CTNND2: variants seen among roughly 807,000 people sequenced by gnomAD.
The protein encoded by CTNND2 is catenin delta 2.
Under a neutral mutation model 144.4 loss-of-function variants are expected in CTNND2, and 22 were observed. That is an observed-to-expected ratio of 0.15 (90% CI 0.11 to 0.22). The LOEUF (loss-of-function observed/expected upper bound fraction) is 0.22, where lower values mean the gene tolerates loss of function less well. Ranked by LOEUF, CTNND2 falls within the 10% of genes least tolerant of loss-of-function variation. The probability of loss-of-function intolerance (pLI) is 1.00; values close to 1 mark genes in which losing one functional copy is unlikely to be tolerated. For synonymous variants in CTNND2, 751 were observed against 695.6 expected (o/e 1.08, Z -1.25); for missense variants, 1,353 against 1,618.8 (o/e 0.84, Z 2.82).
intron 16 of CTNND2, among the ~76,000 whole-genome samples, chr5:11,063,800 A>AG (rs1022527303): frequency 8.5e-6 from 1 of 117,838 alleles, no homozygotes; most frequent in African/African-American, 3.2e-5. Context: ...TAAAAATGTG[A>AG]GGGGGGTGGG....
At chr5:11,172,726 C>T (rs1338751752) in intron 11 of CTNND2, among the ~76,000 whole-genome samples, 2 of 152,130 alleles carry the variant, frequency 1.3e-5, no homozygotes, top group Admixed American at 1.3e-4. Flanking sequence ...GAAGATGCAG[C>T]GTGGAGCTTC....
intron 2 of CTNND2, among the ~76,000 whole-genome samples, chr5:11,662,736 A>G (rs1783342060): frequency 1.3e-5 from 2 of 152,294 alleles, no homozygotes; most frequent in South Asian, 4.1e-4. Flanking sequence ...CTGCGCATGC[A>G]AGAGATCTAG....
chr5:11,482,706 G>C (rs1326099360), intron 3 of CTNND2, among the ~76,000 whole-genome samples: 3 of 152,098 alleles, frequency 2.0e-5, no homozygotes, highest in African/African-American at 7.2e-5. Flanking sequence ...CTGAGAAGCA[G>C]ACATTTGAAC....
intron 18 of CTNND2, among the ~76,000 whole-genome samples, chr5:11,002,794 T>G (rs1200769952): frequency 6.6e-6 from 1 of 152,212 alleles, no homozygotes; most frequent in Non-Finnish European, 1.5e-5. Context: ...ATGTTTCTAT[T>G]GATAATTTTG....
intron 7 of CTNND2, among the ~76,000 whole-genome samples, chr5:11,378,196 C>A (rs1231659862): frequency 6.6e-6 from 1 of 152,144 alleles, no homozygotes; most frequent in Non-Finnish European, 1.5e-5. Flanking sequence ...AGCCTGTACT[C>A]CCCAAGTGTG....
At chr5:11,374,877 A>T (rs1361406417) in intron 7 of CTNND2, among the ~76,000 whole-genome samples, 1 of 143,808 alleles carries the variant, frequency 7.0e-6, no homozygotes, top group Non-Finnish European at 1.5e-5. Flanking sequence ...TCTGCTTTCC[A>T]GAGTGCTGAC....
intron 12 of CTNND2, among the ~76,000 whole-genome samples, chr5:11,123,922 C>T (rs1038429329): frequency 6.6e-6 from 1 of 152,184 alleles, no homozygotes; most frequent in Non-Finnish European, 1.5e-5. Context: ...GGACCATGGC[C>T]CCCACACACA....
At chr5:11,443,307 T>A in intron 3 of CTNND2, among the ~76,000 whole-genome samples, 1 of 87,582 alleles carries the variant, frequency 1.1e-5, no homozygotes, top group African/African-American at 4.6e-5. Flanking sequence ...TGTGCATGTG[T>A]GTGGTGTGTG....
At chr5:11,227,744 T>C (rs1213360051) in intron 10 of CTNND2, among the ~76,000 whole-genome samples, 3 of 152,186 alleles carry the variant, frequency 2.0e-5, no homozygotes, top group African/African-American at 7.2e-5. Flanking sequence ...AATTTCTATG[T>C]TCCATACTTA....
chr5:11,834,975 CA>C (rs1163600721), intron 1 of CTNND2, among the ~76,000 whole-genome samples: 2 of 151,192 alleles, frequency 1.3e-5, no homozygotes, highest in Non-Finnish European at 2.9e-5. Context: ...CCCATCTCTA[CA>C]AAAAATACAA....
intron 1 of CTNND2, among the ~76,000 whole-genome samples, chr5:11,751,778 G>A (rs1001113194): frequency 6.6e-6 from 1 of 151,706 alleles, no homozygotes; most frequent in Non-Finnish European, 1.5e-5. Flanking sequence ...AACTTCTTTG[G>A]GAAATCGCCA....
At chr5:11,312,515 C>A (rs1037683136) in intron 9 of CTNND2, among the ~76,000 whole-genome samples, 2 of 152,046 alleles carry the variant, frequency 1.3e-5, no homozygotes, top group South Asian at 4.1e-4. Flanking sequence ...TTCACTATCA[C>A]GAGAATAGGA....
chr5:11,214,229 T>C (rs896983316), intron 10 of CTNND2, among the ~76,000 whole-genome samples: 1 of 152,244 alleles, frequency 6.6e-6, no homozygotes, highest in African/African-American at 2.4e-5. Flanking sequence ...GGTTAGTTCT[T>C]ATCAGTGAAC....
chr5:11,244,355 G>T (rs1258295555), intron 9 of CTNND2, among the ~76,000 whole-genome samples: 1 of 146,226 alleles, frequency 6.8e-6, no homozygotes. Flanking sequence ...CGCAATCTCG[G>T]CTCACTGCAA....
intron 1 of CTNND2, among the ~76,000 whole-genome samples, chr5:11,813,566 G>T (rs577083708): frequency 1.3e-5 from 2 of 152,092 alleles, no homozygotes; most frequent in Non-Finnish European, 1.5e-5. Flanking sequence ...AATATCCTTA[G>T]CAACAGATAT....
intron 1 of CTNND2, among the ~76,000 whole-genome samples, chr5:11,750,765 C>A (rs1452105864): frequency 1.3e-5 from 2 of 151,668 alleles, no homozygotes; most frequent in Non-Finnish European, 2.9e-5. Context: ...TGTGACTAGA[C>A]ATTAGCTAGT....
At chr5:11,043,898 A>T (rs1242580755) in intron 16 of CTNND2, among the ~76,000 whole-genome samples, 1 of 152,226 alleles carries the variant, frequency 6.6e-6, no homozygotes, top group Admixed American at 6.5e-5. Flanking sequence ...AAACCTCAGG[A>T]AAGTGTTCAG....
At chr5:11,680,934 C>A (rs182245007) in intron 2 of CTNND2, among the ~76,000 whole-genome samples, 1 of 152,292 alleles carries the variant, frequency 6.6e-6, no homozygotes, top group Admixed American at 6.5e-5. Flanking sequence ...GAGAAAGCCA[C>A]ACACTCAGTT....
At chr5:11,767,915 G>C (rs533075475) in intron 1 of CTNND2, among the ~76,000 whole-genome samples, 1 of 47,910 alleles carries the variant, frequency 2.1e-5, no homozygotes, top group East Asian at 8.4e-4. Context: ...TAAATATTGT[G>C]TATATCTCAT....
Sources: allele counts gnomAD v4.1 joint callset (sites outside exome capture counted in the v4.1 genomes callset), GRCh38; gene constraint gnomAD v4.1.1; transcripts MANE v1.5; gene names NCBI Gene and HGNC (gene_info 2026-07-23, HGNC 2026-07-21).